Variants in MEGF10 observed in about 807,000 individuals in gnomAD.
MEGF10 encodes multiple epidermal growth factor-like domains protein 10.
Under a neutral mutation model 147.5 loss-of-function variants are expected in MEGF10, and 86 were observed. The observed-to-expected ratio is 0.58, with a 90% CI of 0.49 to 0.70. The LOEUF is 0.70. Ranked by LOEUF, MEGF10 falls within the 30% of genes least tolerant of loss-of-function variation. The pLI is 0.00. For missense variants in MEGF10, 1,329 were observed against 1,487.3 expected (o/e 0.89, Z 1.75); for synonymous variants, 478 against 525.5 (o/e 0.91, Z 1.24).
chr5:127,454,139 T>C (rs17839692), intron 22 of MEGF10, among the ~76,000 whole-genome samples: 4,938 of 152,306 alleles, frequency 0.032, 84 homozygotes, highest in Middle Eastern at 0.051. Flanking sequence ...CCAGAAAACA[T>C]GCTTATAGTG....
intron 23 of MEGF10, among the ~76,000 whole-genome samples, chr5:127,454,975 G>A (rs1020793706): frequency 2.0e-5 from 3 of 152,186 alleles, no homozygotes; most frequent in Non-Finnish European, 2.9e-5. Context: ...CAGGATGGGT[G>A]TGCATGATTA....
chr5:127,280,541 T>C, the MEGF10 span, among the ~76,000 whole-genome samples: 1 of 152,236 alleles, frequency 6.6e-6, no homozygotes, highest in Non-Finnish European at 1.5e-5. Context: ...TGAAGTCTCC[T>C]GTAGTATGTA....
At chr5:127,376,579 C>T (rs901924400) in intron 5 of MEGF10, among the ~76,000 whole-genome samples, 2 of 152,128 alleles carry the variant, frequency 1.3e-5, no homozygotes, top group Non-Finnish European at 1.5e-5. Flanking sequence ...GATGACCTTC[C>T]TTCTCTTGAT....
At position 127,457,431 on chromosome 5, in the gene MEGF10, T is replaced by G; in HGVS notation, c.*113T>G. 1 of 1,173,530 alleles carries G rather than the reference T, an allele frequency of 8.5e-7. No homozygotes were observed. The allele number at this position is 1,173,530 out of a possible 1,614,324, so 72.7% of individuals were successfully genotyped here. On this transcript the variant is annotated 3_prime_UTR_variant, in exon 25 of 25. Coordinates refer to ENST00000503335, the MANE Select transcript of MEGF10 (RefSeq NM_001256545.2). ...GAATGTTAGTCAATTCGGTGGGCAA[T>G]TTTTGGACATGAACCAGAAAGCTGA...
At chr5:127,344,713 A>C (rs1378766533) in intron 4 of MEGF10, among the ~76,000 whole-genome samples, 3 of 152,226 alleles carry the variant, frequency 2.0e-5, no homozygotes, top group Non-Finnish European at 4.4e-5. Flanking sequence ...TCTCTTTTTA[A>C]GGTGACTAAA....
chr5:127,440,931 T>G lies in MEGF10; in HGVS notation c.2362+64T>G, dbSNP rs41298308. On this transcript the variant is annotated intron_variant, in intron 18 of 24. Transcript: ENST00000503335. ...TTCCTCTAGAATCACATTTCCTAGA[T>G]GCCAGGAAATATTAAGGCAGAATTC... The G allele has an allele frequency of 0.12, 195,362 of 1,577,380 alleles. 12,743 individuals are homozygous for G. The highest frequency in any genetic ancestry group is 0.13 in the Non-Finnish European group (154,998 of 1,157,664).
chr5:127,391,997 C>G (rs1763716701), intron 5 of MEGF10, among the ~76,000 whole-genome samples: 1 of 152,122 alleles, frequency 6.6e-6, no homozygotes, highest in African/African-American at 2.4e-5. Context: ...GACCCCATCT[C>G]TACAAAAAGT....
chr5:127,454,356 G>A lies in MEGF10; in HGVS notation c.2981-210G>A, dbSNP rs144478139. On this transcript the variant is annotated intron_variant, in intron 22 of 24. Coordinates refer to ENST00000503335, the MANE Select transcript of MEGF10 (RefSeq NM_001256545.2). ...TTTGACTAGCTTTTCCTGAGTCACT[G>A]TAAATGACTAGGTGAATGACCAAAT... 7.2e-5 allele frequency among the ~76,000 whole-genome samples: 11 copies of A among 152,266 alleles called. 1 individual carries two copies. Among genetic ancestry groups the A allele is most frequent in the Middle Eastern group, 6.8e-3 (2 of 294 alleles).
Position 127,291,014 on chromosome 5 carries a change from G to A in MEGF10, c.-61G>A, listed in dbSNP as rs1383177428. 6.6e-6 allele frequency: 1 copy of A among 152,342 alleles called. No individual in the cohort carries two copies. Among genetic ancestry groups the A allele is most frequent in the Non-Finnish European group, 1.5e-5 (1 of 68,178 alleles). 9.4% of individuals were successfully genotyped at this position (152,342 alleles called of 1,614,324 possible). A position where few individuals can be genotyped will look rare whatever the true frequency, so the allele number is the denominator to read the frequency against. ...TTGGCTGGCTTTGGGTGAAGACCGG[G>A]GAGAAAAGGTTGCGCTGCGATTCTC... On this transcript the variant is annotated 5_prime_UTR_variant, in exon 1 of 25. Transcript: ENST00000503335.
At chr5:127,263,196 A>G in the MEGF10 span, among the ~76,000 whole-genome samples, 1 of 152,012 alleles carries the variant, frequency 6.6e-6, no homozygotes, top group Non-Finnish European at 1.5e-5. Flanking sequence ...TAGACTGAAT[A>G]TTAGACAATA....
At chr5:127,321,525 G>A (rs152121) in intron 1 of MEGF10, among the ~76,000 whole-genome samples, 7 of 151,858 alleles carry the variant, frequency 4.6e-5, no homozygotes, top group African/African-American at 1.5e-4. Flanking sequence ...TAAGATTTTG[G>A]TTTTACAGAA....
intron 24 of MEGF10, 126 bp from the exon 25 acceptor site, chr5:127,457,002 A>T: frequency 1.0e-6 from 1 of 996,226 alleles, no homozygotes. Flanking sequence ...TCATGTTTTT[A>T]AAACCAGCAT....
intron 22 of MEGF10, among the ~76,000 whole-genome samples, chr5:127,453,363 A>G (rs756161872): frequency 7.9e-5 from 12 of 152,126 alleles, no homozygotes; most frequent in South Asian, 2.1e-4. Flanking sequence ...GGCCTGTAAT[A>G]TTCTTTTGAA....
intron 6 of MEGF10, among the ~76,000 whole-genome samples, chr5:127,398,373 A>G (rs544819923): frequency 1.8e-3 from 276 of 152,356 alleles, no homozygotes; most frequent in Non-Finnish European, 3.3e-3. Context: ...TAAGTGTTAC[A>G]TGAGAAGTTC....
In MEGF10 at chr5:127,435,261, G is replaced by T. The variant is rs969109296; in HGVS notation, c.1976-100G>T. 12 of 1,400,658 alleles carry T rather than the reference G, an allele frequency of 8.6e-6. No individual in the cohort carries two copies. In the African/African-American group the frequency reaches 1.4e-4, roughly 17 times the overall value. The allele number at this position is 1,400,658 out of a possible 1,614,324, so 86.8% of individuals were successfully genotyped here. ...GAGCAGAGATAGCTACCAATGAGCA[G>T]CTGGGCCTGTGACCTTTAAAGTTAT... On this transcript the variant is annotated intron_variant, in intron 15 of 24. Coordinates refer to ENST00000503335, the MANE Select transcript of MEGF10 (RefSeq NM_001256545.2).
At chr5:127,327,872 G>A (rs540747087) in intron 1 of MEGF10, among the ~76,000 whole-genome samples, 1 of 152,024 alleles carries the variant, frequency 6.6e-6, no homozygotes, top group South Asian at 2.1e-4. Context: ...CTGCCAGCAT[G>A]CCTGGCTAAT....
intron 13 of MEGF10, among the ~76,000 whole-genome samples, chr5:127,427,761 G>C (rs1486905294): frequency 6.6e-6 from 1 of 152,172 alleles, no homozygotes; most frequent in Non-Finnish European, 1.5e-5. Flanking sequence ...TTAAAATAAG[G>C]GGAGACCTAC....
At chr5:127,289,713 T>C (rs1759150693), upstream of MEGF10, among the ~76,000 whole-genome samples, 1 of 152,190 alleles carries the variant, frequency 6.6e-6, no homozygotes, top group Non-Finnish European at 1.5e-5. Context: ...AAACATAATA[T>C]GGAGTCTGTA....
At chr5:127,286,786 A>T (rs1230313796), upstream of MEGF10, among the ~76,000 whole-genome samples, 1 of 151,984 alleles carries the variant, frequency 6.6e-6, no homozygotes, top group African/African-American at 2.4e-5. Context: ...CAATGAAACT[A>T]AAGCCTGATC....
Sources: allele counts gnomAD v4.1 joint callset (sites outside exome capture counted in the v4.1 genomes callset), GRCh38; gene constraint gnomAD v4.1.1; transcripts MANE v1.5; gene names NCBI Gene and HGNC (gene_info 2026-07-23, HGNC 2026-07-21).